Variants in RPS6KC1 observed in about 807,000 individuals in gnomAD.
RPS6KC1 encodes the protein inactive ribosomal protein S6 kinase delta-1.
In RPS6KC1, 54 loss-of-function variants were observed where a neutral mutation model predicts 103.8. That is an observed-to-expected ratio of 0.52 (90% CI 0.42 to 0.65). The LOEUF (loss-of-function observed/expected upper bound fraction) is 0.65. Ranked by LOEUF, RPS6KC1 falls within the 30% of genes least tolerant of loss-of-function variation. The pLI is 0.00. For synonymous variants in RPS6KC1, 439 were observed against 438.7 expected (o/e 1.00, Z -0.01); for missense variants, 1,151 against 1,253.8 (o/e 0.92, Z 1.24).
At chr1:213,403,672 T>G in the RPS6KC1 span, among the ~76,000 whole-genome samples, 4 of 152,184 alleles carry the variant, frequency 2.6e-5, no homozygotes, top group Non-Finnish European at 4.4e-5. Context: ...TCCTCCCGTT[T>G]CTTAATAGTA....
At chr1:213,520,450 T>TG in the RPS6KC1 span, among the ~76,000 whole-genome samples, 1 of 152,118 alleles carries the variant, frequency 6.6e-6, no homozygotes, top group Non-Finnish European at 1.5e-5. Flanking sequence ...ACGTGGGAAT[T>TG]GTGAGAGCTA....
intron 4 of RPS6KC1, among the ~76,000 whole-genome samples, chr1:213,116,521 G>A (rs2083644304): frequency 8.1e-6 from 1 of 123,834 alleles, no homozygotes; most frequent in Non-Finnish European, 1.7e-5. Context: ...GCCAGTCTGT[G>A]TCTTTTAATT....
At chr1:213,803,240 C>CT in the RPS6KC1 span, among the ~76,000 whole-genome samples, 3,523 of 101,280 alleles carry the variant, frequency 0.035, 215 homozygotes, top group East Asian at 0.13. Context: ...AAGGCAGTGG[C>CT]TTTTTTTTTT....
intron 12 of RPS6KC1, among the ~76,000 whole-genome samples, chr1:213,261,106 G>A (rs907063496): frequency 2.6e-5 from 4 of 151,814 alleles, no homozygotes; most frequent in African/African-American, 4.8e-5. Flanking sequence ...AAGGCATTTC[G>A]TCTCTCTGGT....
the RPS6KC1 span, among the ~76,000 whole-genome samples, chr1:213,856,852 A>G: frequency 4.7e-3 from 720 of 152,302 alleles, 5 homozygotes; most frequent in Non-Finnish European, 8.3e-3. Flanking sequence ...GCAATTCTAG[A>G]TGTGACCTAG....
At chr1:213,083,448 A>T (rs922772356) in intron 3 of RPS6KC1, among the ~76,000 whole-genome samples, 2 of 152,170 alleles carry the variant, frequency 1.3e-5, no homozygotes, top group African/African-American at 4.8e-5. Flanking sequence ...TATAGCAGTT[A>T]TTCCATGCCT....
chr1:213,459,651 T>C, the RPS6KC1 span, among the ~76,000 whole-genome samples: 1 of 152,218 alleles, frequency 6.6e-6, no homozygotes, highest in Non-Finnish European at 1.5e-5. Context: ...TGTTTGCTCT[T>C]GCTTCTCTAG....
At chr1:213,464,300 C>A in the RPS6KC1 span, among the ~76,000 whole-genome samples, 2,323 of 152,100 alleles carry the variant, frequency 0.015, 59 homozygotes, top group African/African-American at 0.051. Flanking sequence ...TAGAATTTTT[C>A]CAAAGTTTAT....
chr1:213,803,240 C>CTTTTTTT, the RPS6KC1 span, among the ~76,000 whole-genome samples: 3 of 101,386 alleles, frequency 3.0e-5, no homozygotes, highest in Non-Finnish European at 3.9e-5. Flanking sequence ...AAGGCAGTGG[C>CTTTTTTT]TTTTTTTTTT....
At chr1:213,551,805 G>A in the RPS6KC1 span, among the ~76,000 whole-genome samples, 2 of 152,144 alleles carry the variant, frequency 1.3e-5, no homozygotes, top group East Asian at 1.9e-4. Context: ...CACCATTGTA[G>A]CATCATACAG....
downstream of RPS6KC1, among the ~76,000 whole-genome samples, chr1:213,275,995 A>T (rs2095111758): frequency 6.6e-6 from 1 of 152,218 alleles, no homozygotes; most frequent in East Asian, 1.9e-4. Context: ...TTGTGTTTTG[A>T]CCTTCATGCT....
At chr1:213,677,185 A>T in the RPS6KC1 span, among the ~76,000 whole-genome samples, 2 of 152,284 alleles carry the variant, frequency 1.3e-5, no homozygotes, top group East Asian at 3.9e-4. Flanking sequence ...CATCCCTAAG[A>T]GCATCTGGCC....
At chr1:213,586,730 T>A in the RPS6KC1 span, among the ~76,000 whole-genome samples, 11 of 152,244 alleles carry the variant, frequency 7.2e-5, no homozygotes, top group African/African-American at 2.6e-4. Context: ...AACAAGGAAG[T>A]AGGTGATATG....
chr1:213,289,167 C>T, the RPS6KC1 span, among the ~76,000 whole-genome samples: 7 of 144,880 alleles, frequency 4.8e-5, no homozygotes, highest in East Asian at 8.5e-4. Flanking sequence ...GAGTTCTTTC[C>T]GTCCTGGAAT....
At chr1:213,511,414 C>G in the RPS6KC1 span, among the ~76,000 whole-genome samples, 3 of 152,120 alleles carry the variant, frequency 2.0e-5, no homozygotes, top group Non-Finnish European at 1.5e-5. Flanking sequence ...CATTTTTGCA[C>G]GTGGTGTTGA....
chr1:213,236,777 C>G (rs1405337647), intron 10 of RPS6KC1, among the ~76,000 whole-genome samples: 1 of 152,070 alleles, frequency 6.6e-6, no homozygotes. Context: ...TTGCAAAAGT[C>G]TCTGACTGTG....
chr1:213,645,196 G>A, the RPS6KC1 span, among the ~76,000 whole-genome samples: 17 of 152,220 alleles, frequency 1.1e-4, no homozygotes, highest in African/African-American at 4.1e-4. Flanking sequence ...GAAGATGACG[G>A]AGCAGAAAGA....
the RPS6KC1 span, among the ~76,000 whole-genome samples, chr1:213,838,275 A>G: frequency 6.6e-6 from 1 of 152,142 alleles, no homozygotes; most frequent in Admixed American, 6.5e-5. Flanking sequence ...ATAGCTAAAT[A>G]TTTGTTTTCC....
At chr1:213,170,412 T>C (rs2091379618) in intron 7 of RPS6KC1, among the ~76,000 whole-genome samples, 3 of 152,242 alleles carry the variant, frequency 2.0e-5, no homozygotes. Flanking sequence ...AAGCATCTTT[T>C]AAGACTGTAT....
Sources: gnomAD v4.1 joint callset for allele counts (sites outside exome capture counted in the v4.1 genomes callset) on GRCh38, gnomAD v4.1.1 for gene constraint, MANE v1.5 for transcripts, NCBI Gene and HGNC (gene_info 2026-07-23, HGNC 2026-07-21) for gene names.